NDFIP2: variants seen among roughly 807,000 people sequenced by gnomAD.
NDFIP2 encodes Nedd4 family interacting protein 2.
In NDFIP2, 19 loss-of-function variants were observed where a neutral mutation model predicts 36.0. The observed-to-expected ratio is 0.53, with a 90% CI of 0.37 to 0.77. NDFIP2 has a LOEUF of 0.77. NDFIP2 is among the 30% of genes least tolerant of loss of function. NDFIP2 has a pLI of 0.00. For missense variants in NDFIP2, 446 were observed against 435.8 expected (o/e 1.02, Z -0.21); for synonymous variants, 181 against 167.7 (o/e 1.08, Z -0.61).
chr13:79,529,251 T>A (rs1438571972), intron 2 of NDFIP2, among the ~76,000 whole-genome samples: 2 of 152,146 alleles, frequency 1.3e-5, no homozygotes, highest in African/African-American at 4.8e-5. Flanking sequence ...AAAGGGTAGA[T>A]AAAAATAAGT....
At chr13:79,494,619 C>T (rs185916973) in intron 1 of NDFIP2, among the ~76,000 whole-genome samples, 15 of 152,036 alleles carry the variant, frequency 9.9e-5, no homozygotes, top group African/African-American at 3.6e-4. Flanking sequence ...GCTCTCTAAG[C>T]CTGATGCACA....
At chr13:79,511,195 A>G (rs1340710144) in intron 1 of NDFIP2, among the ~76,000 whole-genome samples, 2 of 152,074 alleles carry the variant, frequency 1.3e-5, no homozygotes, top group Non-Finnish European at 2.9e-5. Context: ...ATAAATGGAA[A>G]TCTCCCACAA....
intron 4 of NDFIP2, 83 bp downstream of exon 4, chr13:79,539,858 A>G: frequency 8.9e-7 from 1 of 1,121,816 alleles, no homozygotes; most frequent in Non-Finnish European, 1.3e-6. Context: ...AAGAGAAGCA[A>G]ATATTGTTAG....
chr13:79,532,892 A>T (rs772431814), intron 2 of NDFIP2, among the ~76,000 whole-genome samples: 2 of 152,222 alleles, frequency 1.3e-5, no homozygotes, highest in Non-Finnish European at 2.9e-5. Context: ...CAGAAGTGGT[A>T]TATGAAATGG....
chr13:79,540,829 T>A (rs1464751640), intron 4 of NDFIP2, among the ~76,000 whole-genome samples: 2 of 152,168 alleles, frequency 1.3e-5, no homozygotes, highest in African/African-American at 4.8e-5. Flanking sequence ...AATTTACTAA[T>A]TGTAATGTTC....
intron 1 of NDFIP2, among the ~76,000 whole-genome samples, chr13:79,510,609 A>C (rs1360475936): frequency 2.0e-5 from 3 of 152,150 alleles, no homozygotes; most frequent in Non-Finnish European, 4.4e-5. Flanking sequence ...AGGTTATAGA[A>C]AGAATGGGGC....
chr13:79,531,391 A>G (rs981491408), intron 2 of NDFIP2, among the ~76,000 whole-genome samples: 1 of 152,178 alleles, frequency 6.6e-6, no homozygotes, highest in African/African-American at 2.4e-5. Context: ...GCTGAATTAA[A>G]TCCTTATAAG....
intron 2 of NDFIP2, 53 bp from the exon 3 acceptor site, chr13:79,533,270 G>A: frequency 6.4e-7 from 1 of 1,552,756 alleles, no homozygotes; most frequent in Admixed American, 1.9e-5. Context: ...CATGGCTATG[G>A]CTACAAAATT....
chr13:79,491,892 A>G (rs1256875771), intron 1 of NDFIP2, among the ~76,000 whole-genome samples: 1 of 152,210 alleles, frequency 6.6e-6, no homozygotes, highest in Non-Finnish European at 1.5e-5. Context: ...AATTCTTGTT[A>G]AAGACGTGCC....
At position 79,503,653 on chromosome 13, in the gene NDFIP2, C is replaced by G. The variant is rs1873752230; in HGVS notation, c.322-17157C>G. Among the ~76,000 whole-genome samples, 5 of 152,136 alleles carry G rather than the reference C, an allele frequency of 3.3e-5. 1 individual carries two copies. The highest frequency in any genetic ancestry group is 3.3e-4 in the Admixed American group (5 of 15,258). ...GGGTAGAGAACTGAGGTTTACTGGACCACTCAACTGTAGATATCCATCATT... is the reference window on the plus strand; with the variant it reads ...GGGTAGAGAACTGAGGTTTACTGGAGCACTCAACTGTAGATATCCATCATT... On this transcript the variant is annotated intron_variant, in intron 1 of 7. Coordinates refer to ENST00000218652, the MANE Select transcript of NDFIP2 (RefSeq NM_019080.3).
At chr13:79,535,738 G>C (rs547758228) in intron 3 of NDFIP2, among the ~76,000 whole-genome samples, 3 of 152,090 alleles carry the variant, frequency 2.0e-5, no homozygotes, top group Admixed American at 2.0e-4. Flanking sequence ...TGAAAAATTG[G>C]TCAATGCTTG....
intron 1 of NDFIP2, among the ~76,000 whole-genome samples, chr13:79,506,317 A>T (rs1355974611): frequency 6.6e-6 from 1 of 152,070 alleles, no homozygotes; most frequent in East Asian, 1.9e-4. Flanking sequence ...ATTCTCACAG[A>T]CACACACAGA....
At chr13:79,483,318 C>T (rs192854599) in intron 1 of NDFIP2, among the ~76,000 whole-genome samples, 81 of 152,096 alleles carry the variant, frequency 5.3e-4, no homozygotes, top group Admixed American at 5.3e-3. Context: ...ACACAATTTA[C>T]GTAGTCATTT....
At chr13:79,482,022 A>G (rs1260751784) in intron 1 of NDFIP2, among the ~76,000 whole-genome samples, 1 of 152,014 alleles carries the variant, frequency 6.6e-6, no homozygotes, top group African/African-American at 2.4e-5. Flanking sequence ...TGGGTTAGGA[A>G]TTGTGGAACT....
intron 3 of NDFIP2, among the ~76,000 whole-genome samples, chr13:79,535,701 A>G (rs917665843): frequency 2.6e-5 from 4 of 152,216 alleles, no homozygotes; most frequent in Non-Finnish European, 5.9e-5. Context: ...GAATGTTTGC[A>G]TATGAGTCTC....
intron 1 of NDFIP2, among the ~76,000 whole-genome samples, chr13:79,500,727 T>A (rs369669772): frequency 6.6e-6 from 1 of 152,028 alleles, no homozygotes; most frequent in Non-Finnish European, 1.5e-5. Flanking sequence ...CAGACTGATA[T>A]AGCCACATGG....
rs551367248 is a variant in NDFIP2 at position 79,500,779 on chromosome 13, T to G, written c.321+19255T>G. On this transcript the variant is annotated intron_variant, in intron 1 of 7. Coordinates refer to ENST00000218652, the MANE Select transcript of NDFIP2 (RefSeq NM_019080.3). ...TTTCTTATAAAGCTAAACATACTCTTACCATACTATCCAGTAGTCCAGTAG... is the reference window on the plus strand; with the variant it reads ...TTTCTTATAAAGCTAAACATACTCTGACCATACTATCCAGTAGTCCAGTAG... Among the ~76,000 whole-genome samples, 8 of 152,152 alleles carry G rather than the reference T, an allele frequency of 5.3e-5. 1 individual carries two copies. The South Asian group carries it at 1.7e-3, about 32-fold the overall frequency.
intron 1 of NDFIP2, among the ~76,000 whole-genome samples, chr13:79,506,143 GTTCCT>G (rs1479006501): frequency 6.6e-6 from 1 of 152,086 alleles, no homozygotes; most frequent in Non-Finnish European, 1.5e-5. Flanking sequence ...AGAAAGATAT[GTTCCT>G]TTCTTTATCC....
chr13:79,536,141 CATT>C (rs1437617098), intron 3 of NDFIP2, among the ~76,000 whole-genome samples: 4 of 152,178 alleles, frequency 2.6e-5, no homozygotes, highest in Admixed American at 1.3e-4. Flanking sequence ...AATGACAACT[CATT>C]GTTAATATTT....
Sources: gnomAD v4.1 joint callset for allele counts (sites outside exome capture counted in the v4.1 genomes callset) on GRCh38, gnomAD v4.1.1 for gene constraint, MANE v1.5 for transcripts, NCBI Gene and HGNC (gene_info 2026-07-23, HGNC 2026-07-21) for gene names.